PRKN: variants seen among roughly 807,000 people sequenced by gnomAD.
PRKN encodes the protein E3 ubiquitin-protein ligase parkin.
In PRKN, 56 loss-of-function variants were observed where a neutral mutation model predicts 59.5. That is an observed-to-expected ratio of 0.94 (90% CI 0.76 to 1.18). The LOEUF (loss-of-function observed/expected upper bound fraction) is 1.18, where lower values mean the gene tolerates loss of function less well. PRKN is among the 50% of genes most tolerant of loss of function. The probability of loss-of-function intolerance (pLI) is 0.00; values close to 1 mark genes in which losing one functional copy is unlikely to be tolerated. For missense variants in PRKN, 657 were observed against 596.4 expected (o/e 1.10, Z -1.06); for synonymous variants, 250 against 222.1 (o/e 1.13, Z -1.12).
chr6:162,082,354 A>C lies in PRKN; in HGVS notation c.535-28180T>G, dbSNP rs531768869. On this transcript the variant is annotated intron_variant, in intron 4 of 11. Transcript: ENST00000366898. Reference sequence around the variant, plus strand: ...AGTGCATTCAACCTCTTTCTTTTTTAAATTGCCTAGTCTCAGGTATATCTT... The same window carrying C: ...AGTGCATTCAACCTCTTTCTTTTTTCAATTGCCTAGTCTCAGGTATATCTT... Among the ~76,000 whole-genome samples the C allele has an allele frequency of 1.7e-4, 26 of 152,132 alleles. No individual in the cohort carries two copies. In the South Asian group the frequency reaches 2.5e-3, roughly 15 times the overall value.
intron 9 of PRKN, among the ~76,000 whole-genome samples, chr6:161,421,837 T>C (rs1301289867): frequency 3.9e-5 from 6 of 152,196 alleles, no homozygotes; most frequent in Non-Finnish European, 8.8e-5. Context: ...GGATTCAGTA[T>C]AGTCAGAGAT....
At chr6:162,476,561 T>C (rs1792027757) in intron 1 of PRKN, among the ~76,000 whole-genome samples, 1 of 152,092 alleles carries the variant, frequency 6.6e-6, no homozygotes, top group East Asian at 1.9e-4. Flanking sequence ...AAATAAACAA[T>C]AGGTAATGAT....
At chr6:162,248,374 G>C (rs1282580676) in intron 3 of PRKN, among the ~76,000 whole-genome samples, 2 of 152,164 alleles carry the variant, frequency 1.3e-5, no homozygotes, top group Non-Finnish European at 2.9e-5. Context: ...TCGTCATTCT[G>C]ATATTGCTGG....
In PRKN at chr6:161,592,929, G is replaced by C. The variant is rs370149160; in HGVS notation, c.872-23513C>G. Among the ~76,000 whole-genome samples the C allele has an allele frequency of 2.0e-5, 3 of 152,166 alleles. No individual in the cohort carries two copies. Among genetic ancestry groups the C allele is most frequent in the African/African-American group, 7.2e-5 (3 of 41,440 alleles). ...GTTGAAGTTTAATTCCGAGAGTAGG[G>C]AGAAGGCACTGGAGGACTTGCACAT... On this transcript the variant is annotated intron_variant, in intron 7 of 11. Coordinates refer to ENST00000366898, the MANE Select transcript of PRKN (RefSeq NM_004562.3). The surrounding 1 kb of genome is among the most constrained non-coding windows in gnomAD (Gnocchi z 4.8).
At position 162,527,295 on chromosome 6, in the gene PRKN, A is replaced by G. The variant is rs142573443; in HGVS notation, c.8-83822T>C. Among the ~76,000 whole-genome samples the G allele has an allele frequency of 3.5e-3, 537 of 152,338 alleles. 2 individuals carry two copies. Among genetic ancestry groups the G allele is most frequent in the Non-Finnish European group, 4.8e-3 (327 of 68,038 alleles). On this transcript the variant is annotated intron_variant, in intron 1 of 11. Transcript: ENST00000366898. ...CAAGACGCATAGTTACAGTGAGTGT[A>G]TGATAGAGCTAATCTGCATTTTAAA...
At chr6:162,123,753 T>A (rs1781013746) in intron 4 of PRKN, among the ~76,000 whole-genome samples, 1 of 152,192 alleles carries the variant, frequency 6.6e-6, no homozygotes, top group African/African-American at 2.4e-5. Context: ...AAGCAGTATA[T>A]GTTCTGAAAA....
chr6:162,723,292 A>C (rs1779004993), intron 1 of PRKN, among the ~76,000 whole-genome samples: 1 of 152,238 alleles, frequency 6.6e-6, no homozygotes, highest in Non-Finnish European at 1.5e-5. Context: ...TTTTCTTCTA[A>C]ATTAATTTGA....
chr6:161,937,646 T>C (rs1368960738), intron 6 of PRKN, among the ~76,000 whole-genome samples: 1 of 152,210 alleles, frequency 6.6e-6, no homozygotes, highest in Non-Finnish European at 1.5e-5. Context: ...CAGTGGACTA[T>C]GTTACGATTT....
chr6:162,104,269 G>A (rs2128300170), intron 4 of PRKN, among the ~76,000 whole-genome samples: 1 of 152,304 alleles, frequency 6.6e-6, no homozygotes, highest in Non-Finnish European at 1.5e-5. Flanking sequence ...CTCAAGGGAA[G>A]CCTCCTGACG....
intron 7 of PRKN, among the ~76,000 whole-genome samples, chr6:161,574,732 T>A (rs529578031): frequency 6.3e-4 from 96 of 152,328 alleles, no homozygotes; most frequent in African/African-American, 2.1e-3. Context: ...TATTGGCATT[T>A]AAAATATTTG....
chr6:162,455,253 C>T (rs956469836), intron 1 of PRKN, among the ~76,000 whole-genome samples: 7 of 151,956 alleles, frequency 4.6e-5, no homozygotes, highest in African/African-American at 1.7e-4. Context: ...GCCCATTCAT[C>T]CACACATCCA....
chr6:162,027,893 A>T lies in PRKN; in HGVS notation c.618+26198T>A, dbSNP rs1447991849. ...GAGGGAGGGAAGAAGGAAGGTGGGG[A>T]AGGAGGAATAGATTAATTACATTAA... On this transcript the variant is annotated intron_variant, in intron 5 of 11. Coordinates refer to ENST00000366898, the MANE Select transcript of PRKN (RefSeq NM_004562.3). Among the ~76,000 whole-genome samples the T allele has an allele frequency of 2.0e-5, 3 of 151,816 alleles. No homozygotes were observed. In the South Asian group the frequency reaches 6.2e-4, roughly 32 times the overall value.
At chr6:162,136,386 AG>A (rs1302052384) in intron 4 of PRKN, among the ~76,000 whole-genome samples, 1 of 152,122 alleles carries the variant, frequency 6.6e-6, no homozygotes, top group African/African-American at 2.4e-5. Flanking sequence ...TTTTTGAATC[AG>A]CCCAAGTAAG....
At chr6:162,380,443 A>G (rs1199959722) in intron 2 of PRKN, among the ~76,000 whole-genome samples, 1 of 90,410 alleles carries the variant, frequency 1.1e-5, no homozygotes, top group African/African-American at 5.8e-5. Context: ...GTATATATAT[A>G]TATGTATATA....
intron 4 of PRKN, among the ~76,000 whole-genome samples, chr6:162,125,030 A>C (rs1299043736): frequency 1.3e-5 from 2 of 152,170 alleles, no homozygotes; most frequent in African/African-American, 4.8e-5. Flanking sequence ...TGCCGGCATC[A>C]AGTACGATTA....
At chr6:162,582,241 T>G (rs1431631561) in intron 1 of PRKN, among the ~76,000 whole-genome samples, 1 of 152,222 alleles carries the variant, frequency 6.6e-6, no homozygotes, top group Non-Finnish European at 1.5e-5. Context: ...AATCCTGTCC[T>G]CCTTCAGTTC....
In PRKN at chr6:161,497,003, G is replaced by A. The variant is rs1414264406; in HGVS notation, c.1083+51851C>T. On this transcript the variant is annotated intron_variant, in intron 9 of 11. Transcript: ENST00000366898. This position sits in a 1 kb window ranked among gnomAD's most constrained non-coding sequence, Gnocchi z 4.6. ...CATTTCTGCTGTTCTACGCCACCCG[G>A]CTTGTGGCACTTTATAATGGCAGCC... Among the ~76,000 whole-genome samples the A allele has an allele frequency of 6.6e-6, 1 of 152,168 alleles. No homozygotes were observed. The highest frequency in any genetic ancestry group is 2.4e-5 in the African/African-American group (1 of 41,442).
intron 5 of PRKN, among the ~76,000 whole-genome samples, chr6:162,015,961 A>G (rs1782919232): frequency 1.3e-5 from 2 of 152,206 alleles, no homozygotes; most frequent in South Asian, 4.1e-4. Context: ...TGTACAATAG[A>G]GCATAAACTG....
chr6:162,225,121 C>T (rs1454592470), intron 3 of PRKN, among the ~76,000 whole-genome samples: 8 of 152,268 alleles, frequency 5.3e-5, no homozygotes, highest in Admixed American at 6.5e-5. Flanking sequence ...GACAGCAACA[C>T]GTGGTGAGAG....
Sources: allele counts gnomAD v4.1 joint callset (sites outside exome capture counted in the v4.1 genomes callset), GRCh38; gene constraint gnomAD v4.1.1; non-coding constraint Gnocchi (gnomAD v3.1); transcripts MANE v1.5; gene names NCBI Gene and HGNC (gene_info 2026-07-23, HGNC 2026-07-21).